The following SLC6A3 variants were observed in gnomAD, a reference collection of about 807,000 sequenced individuals.
The protein encoded by SLC6A3 is sodium-dependent dopamine transporter.
SLC6A3 carries 19 observed loss-of-function variants against 70.4 expected under a neutral mutation model. The ratio of observed to expected loss-of-function variants is 0.27; its 90% CI spans 0.19 to 0.40. SLC6A3 has a LOEUF of 0.40. Ranked by LOEUF, SLC6A3 falls within the 10% of genes least tolerant of loss-of-function variation. SLC6A3 has a pLI of 1.00. For synonymous variants in SLC6A3, 368 were observed against 356.6 expected (o/e 1.03, Z -0.36); for missense variants, 613 against 838.5 (o/e 0.73, Z 3.32).
chr5:1,418,877 T>C (rs1252460904), intron 6 of SLC6A3, among the ~76,000 whole-genome samples: 1 of 143,136 alleles, frequency 7.0e-6, no homozygotes, highest in East Asian at 2.1e-4. Context: ...CATCCATCCA[T>C]CCTATCTAGC....
intron 4 of SLC6A3, among the ~76,000 whole-genome samples, chr5:1,431,416 T>C (rs926717620): frequency 6.7e-6 from 1 of 150,008 alleles, no homozygotes; most frequent in Non-Finnish European, 1.5e-5. Context: ...CTGGATGGGG[T>C]GGACTGTGCG....
rs1335733836 is a variant in SLC6A3 at position 1,400,950 on chromosome 5, C to G, written c.1804G>C (p.Glu602Gln). 1 of 1,596,958 alleles carries G rather than the reference C, an allele frequency of 6.3e-7. No individual in the cohort carries two copies. Among genetic ancestry groups the G allele is most frequent in the Non-Finnish European group, 8.5e-7 (1 of 1,169,928 alleles). Residue 602 changes from glutamate (E) to glutamine (Q), a missense_variant, in exon 14 of 15, where the codon GAG (glutamate) becomes CAG (glutamine). Glu to Gln is a conservative substitution (Grantham distance 29). This residue lies in a region of SLC6A3 where 348 missense variants were observed against 481.2 expected (regional missense o/e 0.72). Coordinates refer to ENST00000270349, the MANE Select transcript of SLC6A3 (RefSeq NM_001044.5). ...CGCACCTCCCCTCTGTCCACCAGCT[C>G]ACGGTCCTTCTCGGGTGCAATGGCG... Reference protein sequence around the residue: ...AYAIAPEKDRELVDRGEVRQF... With the variant: ...AYAIAPEKDRQLVDRGEVRQF...
chr5:1,398,345 A>G, intron 14 of SLC6A3, among the ~76,000 whole-genome samples: 1 of 149,628 alleles, frequency 6.7e-6, no homozygotes. Flanking sequence ...TGGGTGACAG[A>G]GCAAGACTCC....
chr5:1,406,181 C>G lies in SLC6A3; in HGVS notation c.1599+7G>C. On this transcript the variant is annotated splice_region_variant and intron_variant, in intron 12 of 14. Transcript: ENST00000270349. This position sits in a 1 kb window ranked among gnomAD's most constrained non-coding sequence, Gnocchi z 8.8. ...GGGGGAAGGGCAGGTGGCCCGAGGT[C>G]CCTTACCAGGAGAAAGCAGGGGCTG... 6.2e-7 allele frequency: 1 copy of G among 1,607,276 alleles called. No individual in the cohort carries two copies. Among genetic ancestry groups the G allele is most frequent in the Non-Finnish European group, 8.5e-7 (1 of 1,174,832 alleles).
intron 4 of SLC6A3, among the ~76,000 whole-genome samples, chr5:1,431,448 A>G (rs1756700631): frequency 6.7e-6 from 1 of 150,278 alleles, no homozygotes; most frequent in South Asian, 2.1e-4. Context: ...GTCGGGGTGG[A>G]CTGTATGGGT....
At chr5:1,398,933 A>C (rs1755780789) in intron 14 of SLC6A3, among the ~76,000 whole-genome samples, 1 of 152,250 alleles carries the variant, frequency 6.6e-6, no homozygotes, top group Non-Finnish European at 1.5e-5. Flanking sequence ...CTCATGGTCA[A>C]GCACCCCTAA....
At position 1,443,504 on chromosome 5, in the gene SLC6A3, C is replaced by T. The variant is rs548614151; in HGVS notation, c.-45-262G>A. Among the ~76,000 whole-genome samples the T allele has an allele frequency of 2.6e-5, 4 of 152,304 alleles. No individual in the cohort carries two copies. In the South Asian group the frequency reaches 8.3e-4, roughly 32 times the overall value. On this transcript the variant is annotated intron_variant, in intron 1 of 14. Transcript: ENST00000270349. ...CTGGTTTGCTCCTCCTTCCCCTGCA[C>T]CCCTCCCCACTCCTATCAAAGTGCA...
intron 6 of SLC6A3, among the ~76,000 whole-genome samples, chr5:1,419,480 C>T (rs1404803199): frequency 6.6e-6 from 1 of 152,248 alleles, no homozygotes; most frequent in East Asian, 1.9e-4. Flanking sequence ...CTGGGGCTGC[C>T]TATTCTTCCT....
chr5:1,416,724 G>A (rs558089810), intron 6 of SLC6A3: 18 of 222,012 alleles, frequency 8.1e-5, no homozygotes, highest in South Asian at 2.5e-4. Context: ...AATAGCCCTC[G>A]GAACAGCACG....
At chr5:1,403,643 T>C (rs765605916) in intron 12 of SLC6A3, among the ~76,000 whole-genome samples, 6 of 151,952 alleles carry the variant, frequency 3.9e-5, no homozygotes, top group Non-Finnish European at 8.8e-5. Context: ...ACACTGAATC[T>C]ATGATCATCC....
rs61601171 is a variant in SLC6A3 at position 1,398,316 on chromosome 5, A to G, written c.1839+2599T>C. 3.1e-3 allele frequency among the ~76,000 whole-genome samples: 462 copies of G among 149,984 alleles called. 1 individual carries two copies. Among genetic ancestry groups the G allele is most frequent in the East Asian group, 9.8e-3 (50 of 5,120 alleles). On this transcript the variant is annotated intron_variant, in intron 14 of 14. Transcript: ENST00000270349. Reference sequence around the variant, plus strand: ...GTGGAGGTTGCAGTGAGCAGAGATCATGCCACTGCACTCCAGCCTGGGTGA... The same window carrying G: ...GTGGAGGTTGCAGTGAGCAGAGATCGTGCCACTGCACTCCAGCCTGGGTGA...
Position 1,411,839 on chromosome 5 carries a change from A to G in SLC6A3, c.1157-484T>C, listed in dbSNP as rs1468086817. 1.3e-5 allele frequency among the ~76,000 whole-genome samples: 2 copies of G among 150,802 alleles called. No individual in the cohort carries two copies. The highest frequency in any genetic ancestry group is 2.5e-5 in the African/African-American group (1 of 40,676). ...ACATACACACTCAGACACACATACC[A>G]TGCAACATACACACTCAGACACACA... On this transcript the variant is annotated intron_variant, in intron 8 of 14. Coordinates refer to ENST00000270349, the MANE Select transcript of SLC6A3 (RefSeq NM_001044.5). This position sits in a 1 kb window ranked among gnomAD's most constrained non-coding sequence, Gnocchi z 6.5.
chr5:1,409,855 C>G lies in SLC6A3; in HGVS notation c.1270-6G>C. 6.2e-7 allele frequency: 1 copy of G among 1,613,116 alleles called. No individual in the cohort carries two copies. Among genetic ancestry groups the G allele is most frequent in the Non-Finnish European group, 8.5e-7 (1 of 1,180,026 alleles). Reference sequence around the variant, plus strand: ...ACTGACTCCATACCACCCATCTGCACACAGAGCACAGGGTCGGGCTGCAGG... The same window carrying G: ...ACTGACTCCATACCACCCATCTGCAGACAGAGCACAGGGTCGGGCTGCAGG... On this transcript the variant is annotated splice_region_variant and splice_polypyrimidine_tract_variant and intron_variant, in intron 9 of 14. Transcript: ENST00000270349.
chr5:1,422,999 C>G (rs564350977), intron 4 of SLC6A3, among the ~76,000 whole-genome samples: 3 of 75,702 alleles, frequency 4.0e-5, no homozygotes, highest in African/African-American at 2.0e-4. Context: ...TGGGTACCCA[C>G]TGCTGCCCAG....
At chr5:1,415,475 A>C (rs1244128384) in intron 7 of SLC6A3, among the ~76,000 whole-genome samples, 3 of 152,194 alleles carry the variant, frequency 2.0e-5, no homozygotes, top group Admixed American at 6.5e-5. Context: ...GCCCACTCTC[A>C]GTGAAGCCTG....
chr5:1,439,011 A>G (rs527661141), intron 3 of SLC6A3, among the ~76,000 whole-genome samples: 1 of 152,304 alleles, frequency 6.6e-6, no homozygotes, highest in Admixed American at 6.5e-5. Flanking sequence ...TCTCTGAAAC[A>G]CGTCCGTGCC....
chr5:1,400,027 C>G (rs898364867), intron 14 of SLC6A3, among the ~76,000 whole-genome samples: 1 of 152,250 alleles, frequency 6.6e-6, no homozygotes, highest in African/African-American at 2.4e-5. Context: ...AGAGAGGTGG[C>G]CAGAGGGAAG....
chr5:1,404,399 C>T lies in SLC6A3; in HGVS notation c.1600-1310G>A, dbSNP rs1579701826. On this transcript the variant is annotated intron_variant, in intron 12 of 14. Transcript: ENST00000270349. This position sits in a 1 kb window ranked among gnomAD's most constrained non-coding sequence, Gnocchi z 5.2. The stretch of plus-strand genomic sequence containing the variant: ...TGCATCCCTGGACATGTCGGGCTTG[C>T]CTATCTGACATGGAGGTATTGCTGT... 6.6e-6 allele frequency among the ~76,000 whole-genome samples: 1 copy of T among 152,246 alleles called. No individual in the cohort carries two copies. Among genetic ancestry groups the T allele is most frequent in the East Asian group, 1.9e-4 (1 of 5,202 alleles).
At chr5:1,400,152 C>T (rs1268272836) in intron 14 of SLC6A3, among the ~76,000 whole-genome samples, 2 of 152,306 alleles carry the variant, frequency 1.3e-5, no homozygotes, top group Non-Finnish European at 1.5e-5. Flanking sequence ...GGAATCAGGT[C>T]GGGGCTGAGG....
Sources: gnomAD v4.1 joint callset for allele counts (sites outside exome capture counted in the v4.1 genomes callset) on GRCh38, gnomAD v4.1.1 for gene constraint, gnomAD v4.1.1 regional missense constraint, Gnocchi (gnomAD v3.1) non-coding constraint, MANE v1.5 for transcripts, NCBI Gene and HGNC (gene_info 2026-07-23, HGNC 2026-07-21) for gene names.